The following CDH8 variants were observed in gnomAD, a reference collection of about 807,000 sequenced individuals.
CDH8 encodes the protein cadherin 8.
In CDH8, 17 loss-of-function variants were observed where a neutral mutation model predicts 68.1. The ratio of observed to expected loss-of-function variants is 0.25; its 90% CI spans 0.17 to 0.37. The LOEUF is 0.37. CDH8 is among the 10% of genes least tolerant of loss of function. The pLI is 1.00. For synonymous variants in CDH8, 372 were observed against 365.1 expected (o/e 1.02, Z -0.21); for missense variants, 763 against 999.3 (o/e 0.76, Z 3.19).
At chr16:61,903,064 T>TA in intron 2 of CDH8, among the ~76,000 whole-genome samples, 1 of 152,300 alleles carries the variant, frequency 6.6e-6, no homozygotes, top group Middle Eastern at 3.4e-3. Context: ...TCCATTCACA[T>TA]ACAAGGAGTT....
At chr16:61,719,956 A>C (rs1242775542) in intron 9 of CDH8, among the ~76,000 whole-genome samples, 1 of 150,148 alleles carries the variant, frequency 6.7e-6, no homozygotes, top group African/African-American at 2.4e-5. Context: ...GATCATGTTT[A>C]ATTTTGTCTA....
At chr16:61,725,411 G>A (rs1358134852) in intron 9 of CDH8, 1 of 150,806 alleles carries the variant, frequency 6.6e-6, no homozygotes, top group Non-Finnish European at 1.5e-5. Context: ...CAATGTCATT[G>A]ACTCCTTGAA....
rs928762916 is a variant in CDH8, at chr16:62,002,434, G to A, written c.252+18718C>T. On this transcript the variant is annotated intron_variant, in intron 2 of 11. Transcript: ENST00000577390. Reference sequence around the variant, plus strand: ...AGGAACTATACGACTTCATTAAATCGGTTTATAGCTACAACTGGAAATACA... The same window carrying A: ...AGGAACTATACGACTTCATTAAATCAGTTTATAGCTACAACTGGAAATACA... Among the ~76,000 whole-genome samples, 6 of 152,094 alleles carry A rather than the reference G, an allele frequency of 3.9e-5. No homozygotes were observed. The South Asian group carries it at 6.2e-4, about 16-fold the overall frequency.
chr16:61,653,462 G>T lies in CDH8; in HGVS notation c.*146C>A, dbSNP rs75581194. ...TTTTTTATTTTATTATCTTTTTTTGGTTCAACATTAAAATGTGGTTGAGTT... is the reference window on the plus strand; with the variant it reads ...TTTTTTATTTTATTATCTTTTTTTGTTTCAACATTAAAATGTGGTTGAGTT... On this transcript the variant is annotated 3_prime_UTR_variant, in exon 12 of 12. Coordinates refer to ENST00000577390, the MANE Select transcript of CDH8 (RefSeq NM_001796.5). 2.0e-5 allele frequency: 29 copies of T among 1,429,326 alleles called. No homozygotes were observed. The highest frequency in any genetic ancestry group is 5.9e-5 in the Admixed American group (2 of 33,882). The allele number at this position is 1,429,326 out of a possible 1,614,324, so 88.5% of individuals were successfully genotyped here.
At chr16:61,793,458 T>C (rs1961427326) in intron 7 of CDH8, among the ~76,000 whole-genome samples, 1 of 151,912 alleles carries the variant, frequency 6.6e-6, no homozygotes, top group Non-Finnish European at 1.5e-5. Context: ...TATGTGTCCA[T>C]ATGTCTCATC....
At chr16:61,901,839 C>T (rs1963979945) in intron 2 of CDH8, among the ~76,000 whole-genome samples, 1 of 151,832 alleles carries the variant, frequency 6.6e-6, no homozygotes, top group African/African-American at 2.4e-5. Context: ...ATCTGTATGC[C>T]CAGGACTAGG....
In CDH8 at chr16:61,724,546, T is replaced by C. The variant is rs533918633; in HGVS notation, c.1536+2548A>G. Among the ~76,000 whole-genome samples, 14 of 150,630 alleles carry C rather than the reference T, an allele frequency of 9.3e-5. No individual in the cohort carries two copies. In the East Asian group the frequency reaches 1.4e-3, roughly 15 times the overall value. ...TTGCTAATAATTTCCAGCTACACCA[T>C]CTCCCAGGAAGCTGATCCCCTGAGT... On this transcript the variant is annotated intron_variant, in intron 9 of 11. Coordinates refer to ENST00000577390, the MANE Select transcript of CDH8 (RefSeq NM_001796.5).
chr16:61,697,186 C>G (rs891906603), intron 10 of CDH8, among the ~76,000 whole-genome samples: 2 of 152,098 alleles, frequency 1.3e-5, no homozygotes, highest in Non-Finnish European at 2.9e-5. Flanking sequence ...TGATGCTTTT[C>G]TGAAAATAAG....
At chr16:61,969,825 AAAC>A (rs1300087439) in intron 2 of CDH8, among the ~76,000 whole-genome samples, 1 of 152,186 alleles carries the variant, frequency 6.6e-6, no homozygotes, top group African/African-American at 2.4e-5. Context: ...CCCATCTTCT[AAAC>A]AACAATGCTT....
intron 10 of CDH8, among the ~76,000 whole-genome samples, chr16:61,706,405 C>T (rs1271800458): frequency 6.6e-6 from 1 of 151,942 alleles, no homozygotes; most frequent in East Asian, 1.9e-4. Flanking sequence ...ATCACGAGGT[C>T]AGGAGATCGA....
intron 7 of CDH8, among the ~76,000 whole-genome samples, chr16:61,794,489 A>T (rs1430675640): frequency 6.6e-6 from 1 of 152,070 alleles, no homozygotes; most frequent in East Asian, 1.9e-4. Flanking sequence ...GTAAACATGT[A>T]TTTTAACAGC....
intron 9 of CDH8, among the ~76,000 whole-genome samples, chr16:61,714,952 T>A (rs1448893942): frequency 6.6e-6 from 1 of 151,460 alleles, no homozygotes; most frequent in African/African-American, 2.4e-5. Context: ...GAAAAAAAAA[T>A]TCCTTTTGAG....
intron 10 of CDH8, among the ~76,000 whole-genome samples, chr16:61,665,040 C>T (rs535868461): frequency 2.0e-5 from 3 of 151,956 alleles, no homozygotes; most frequent in Non-Finnish European, 4.4e-5. Context: ...AGCTATAACC[C>T]TCAGTTTGCC....
chr16:61,723,567 A>G (rs1331733033), intron 9 of CDH8, among the ~76,000 whole-genome samples: 5 of 150,762 alleles, frequency 3.3e-5, no homozygotes, highest in African/African-American at 1.2e-4. Context: ...ATCATTTACA[A>G]TTTTAATTAA....
At chr16:61,695,822 T>G (rs1310997691) in intron 10 of CDH8, among the ~76,000 whole-genome samples, 4 of 152,198 alleles carry the variant, frequency 2.6e-5, no homozygotes, top group Non-Finnish European at 2.9e-5. Flanking sequence ...TTTTTAGAGT[T>G]TTTTTAACTG....
intron 10 of CDH8, among the ~76,000 whole-genome samples, chr16:61,699,832 T>C (rs1419381547): frequency 6.6e-6 from 1 of 152,194 alleles, no homozygotes; most frequent in Admixed American, 6.5e-5. Flanking sequence ...TGCCTCGGCC[T>C]CCCAAAATGT....
intron 5 of CDH8, among the ~76,000 whole-genome samples, chr16:61,821,948 C>A (rs2143000779): frequency 6.6e-6 from 1 of 151,996 alleles, no homozygotes; most frequent in Admixed American, 6.6e-5. Flanking sequence ...ATTTCTTTGC[C>A]TGAGGGTTAT....
At chr16:61,996,700 G>C (rs530288349) in intron 2 of CDH8, among the ~76,000 whole-genome samples, 15 of 152,078 alleles carry the variant, frequency 9.9e-5, no homozygotes, top group African/African-American at 3.6e-4. Context: ...TATCAATCAG[G>C]ATAGTTTATT....
At chr16:61,860,446 T>C (rs781330664) in intron 3 of CDH8, among the ~76,000 whole-genome samples, 6 of 152,150 alleles carry the variant, frequency 3.9e-5, no homozygotes, top group Non-Finnish European at 7.4e-5. Context: ...AAAGAATGAA[T>C]AATAAGAAAA....
Sources: allele counts gnomAD v4.1 joint callset (sites outside exome capture counted in the v4.1 genomes callset), GRCh38; gene constraint gnomAD v4.1.1; transcripts MANE v1.5; gene names NCBI Gene and HGNC (gene_info 2026-07-23, HGNC 2026-07-21).